GABBR2: variants seen among roughly 807,000 people sequenced by gnomAD.
GABBR2 encodes the protein gamma-aminobutyric acid type B receptor subunit 2.
A neutral mutation model predicts 105.6 loss-of-function variants in GABBR2; 23 were observed. The ratio of observed to expected loss-of-function variants is 0.22; its 90% CI spans 0.16 to 0.31. The LOEUF (loss-of-function observed/expected upper bound fraction) is 0.31. Among genes scored for constraint, GABBR2 ranks in the 10% least tolerant of loss-of-function variants. The pLI is 1.00. For synonymous variants in GABBR2, 478 were observed against 499.7 expected, an observed-to-expected ratio of 0.96 and a Z score of 0.58; for missense variants, 734 against 1,245.5, an observed-to-expected ratio of 0.59 and a Z score of 6.18.
rs541112767 is a variant in GABBR2 at position 98,621,630 on chromosome 9, C to T, written c.322-43558G>A. Reference sequence around the variant, plus strand: ...TCAGGAAAAACATGCTCCTTTACAACGGGAGCCAAATAATTAGCCCAGAAA... The same window carrying T: ...TCAGGAAAAACATGCTCCTTTACAATGGGAGCCAAATAATTAGCCCAGAAA... On this transcript the variant is annotated intron_variant, in intron 1 of 18. Transcript: ENST00000259455. 1.8e-4 allele frequency among the ~76,000 whole-genome samples: 27 copies of T among 152,296 alleles called. No homozygotes were observed. The South Asian group carries it at 4.1e-3, about 23-fold the overall frequency.
chr9:98,338,167 T>C (rs1156613058), intron 13 of GABBR2, among the ~76,000 whole-genome samples: 1 of 152,150 alleles, frequency 6.6e-6, no homozygotes, highest in Non-Finnish European at 1.5e-5. Context: ...AGTATAAAAC[T>C]CTTAGAAGAA....
chr9:98,401,725 T>C (rs1832398004), intron 8 of GABBR2, among the ~76,000 whole-genome samples: 2 of 152,174 alleles, frequency 1.3e-5, no homozygotes, highest in African/African-American at 4.8e-5. Flanking sequence ...AAAATCAGCC[T>C]CAAGAGTCTC....
chr9:98,299,788 G>T (rs1455750983), intron 16 of GABBR2, among the ~76,000 whole-genome samples: 2 of 152,172 alleles, frequency 1.3e-5, no homozygotes, highest in Non-Finnish European at 2.9e-5. Flanking sequence ...TCAGGGGGAG[G>T]TTGTGCAGAT....
At chr9:98,583,854 TGTCCCCCTAAAGGGCTG>T (rs1829034775) in intron 1 of GABBR2, among the ~76,000 whole-genome samples, 1 of 152,226 alleles carries the variant, frequency 6.6e-6, no homozygotes, top group Non-Finnish European at 1.5e-5. Flanking sequence ...CACGTGAAGA[TGTCCCCCTAAAGGGCTG>T]TTGATTACCC....
At chr9:98,610,245 C>A (rs1279271420) in intron 1 of GABBR2, among the ~76,000 whole-genome samples, 1 of 152,182 alleles carries the variant, frequency 6.6e-6, no homozygotes, top group Non-Finnish European at 1.5e-5. Flanking sequence ...GCCTCAGTTT[C>A]CTGCCTATAA....
At chr9:98,309,354 G>A (rs969246358) in intron 14 of GABBR2, among the ~76,000 whole-genome samples, 1 of 152,186 alleles carries the variant, frequency 6.6e-6, no homozygotes, top group South Asian at 2.1e-4. Flanking sequence ...CTATTTTCAC[G>A]GAATGAGTCT....
At chr9:98,328,996 C>T (rs567797370) in intron 13 of GABBR2, among the ~76,000 whole-genome samples, 1 of 152,312 alleles carries the variant, frequency 6.6e-6, no homozygotes, top group African/African-American at 2.4e-5. Context: ...TAAAATGGGG[C>T]TAGACATAGC....
At chr9:98,318,694 C>T (rs565864981) in intron 13 of GABBR2, among the ~76,000 whole-genome samples, 30 of 152,316 alleles carry the variant, frequency 2.0e-4, no homozygotes, top group Non-Finnish European at 3.2e-4. Flanking sequence ...CAGCCCGGCC[C>T]GGCCAGTGCT....
chr9:98,371,527 C>G lies in GABBR2; in HGVS notation c.1707G>C (p.Gly569=). The G allele has an allele frequency of 6.2e-7, 1 of 1,612,888 alleles. No homozygotes were observed. The highest frequency in any genetic ancestry group is 8.5e-7 in the Non-Finnish European group (1 of 1,178,988). Residue 569 remains glycine (G), a synonymous_variant, in exon 12 of 19, where the codon GGG becomes GGC. Transcript: ENST00000259455. ...CTCTCCAGGTCTTTGCAAACATGGC[C>G]CCAAAAGCGGTCGTGTAGCCCACGG... ...ILTVGYTTAF[G]AMFAKTWRVH...
intron 4 of GABBR2, among the ~76,000 whole-genome samples, chr9:98,494,870 G>C (rs1486623729): frequency 6.6e-6 from 1 of 152,228 alleles, no homozygotes; most frequent in Non-Finnish European, 1.5e-5. Context: ...GCACACAAAG[G>C]TTCTTTAAAC....
intron 7 of GABBR2, among the ~76,000 whole-genome samples, chr9:98,436,304 C>CCATAAATATATATATATATATAT (rs1564068040): frequency 9.8e-5 from 6 of 61,402 alleles, no homozygotes; most frequent in African/African-American, 4.1e-4. Flanking sequence ...TATATATATA[C>CCATAAATATATATATATATATAT]CCATAAATAT....
At position 98,303,009 on chromosome 9, in the gene GABBR2, T is replaced by C. The variant is rs1476075695; in HGVS notation, c.2412+232A>G. The C allele has an allele frequency of 3.4e-5, 16 of 477,028 alleles. No individual in the cohort carries two copies. The Admixed American group carries it at 4.9e-4, about 15-fold the overall frequency. The allele number at this position is 477,028 out of a possible 1,614,324, so 29.5% of individuals were successfully genotyped here. On this transcript the variant is annotated intron_variant, in intron 16 of 18. Transcript: ENST00000259455. ...CTGTCTGGGGATGGCTTGAATCAGG[T>C]GTTGCTGGCCTCCAAGAGCCTGGGT... is the stretch of plus-strand genomic sequence containing the variant.
Position 98,293,901 on chromosome 9 carries a change from A to G in GABBR2, c.2544T>C (p.Asp848=). ...GATTTTTTAAAATGGCCTTTCCTCC[A>G]TCTGAATGCAAAACAACAATACCAC... is the stretch of plus-strand genomic sequence containing the variant. ...LNLGNFTEST[D]GGKAILKNHL... Residue 848 remains aspartate (D), a splice_region_variant and synonymous_variant, in exon 18 of 19, where the codon GAT becomes GAC. Coordinates refer to ENST00000259455, the MANE Select transcript of GABBR2 (RefSeq NM_005458.8). 6.4e-7 allele frequency: 1 copy of G among 1,566,938 alleles called. No homozygotes were observed. The highest frequency in any genetic ancestry group is 8.8e-7 in the Non-Finnish European group (1 of 1,137,598).
chr9:98,614,009 T>A (rs1588253153), intron 1 of GABBR2, among the ~76,000 whole-genome samples: 1 of 152,214 alleles, frequency 6.6e-6, no homozygotes, highest in Non-Finnish European at 1.5e-5. Flanking sequence ...TTGTGATGCA[T>A]GATTACAATT....
intron 11 of GABBR2, among the ~76,000 whole-genome samples, chr9:98,374,546 G>C (rs1033739236): frequency 5.3e-5 from 8 of 152,194 alleles, no homozygotes; most frequent in African/African-American, 1.9e-4. Flanking sequence ...CGTGGTTTAT[G>C]CTGAACACTG....
At chr9:98,374,266 A>C (rs1251477217) in intron 11 of GABBR2, among the ~76,000 whole-genome samples, 1 of 152,226 alleles carries the variant, frequency 6.6e-6, no homozygotes. Context: ...TCAATCATAT[A>C]ATTAGTCAAG....
intron 3 of GABBR2, among the ~76,000 whole-genome samples, chr9:98,510,909 T>A (rs993073408): frequency 6.6e-6 from 1 of 152,162 alleles, no homozygotes; most frequent in African/African-American, 2.4e-5. Context: ...GCAGACCTAA[T>A]AGACATCTAC....
chr9:98,294,982 G>A (rs1158188524), intron 17 of GABBR2, among the ~76,000 whole-genome samples: 1 of 152,168 alleles, frequency 6.6e-6, no homozygotes, highest in Non-Finnish European at 1.5e-5. Context: ...GTTCCCACCC[G>A]AGATTTGGAT....
chr9:98,508,626 T>TGGCTCGGAGGGTCCTACGCCC (rs1230810919), intron 3 of GABBR2, among the ~76,000 whole-genome samples: 209 of 152,330 alleles, frequency 1.4e-3, no homozygotes, highest in African/African-American at 4.8e-3. Context: ...ATCCCGCGCA[T>TGGCTCGGAGGGTCCTACGCCC]GGCTCGGAGG....
Sources: allele counts gnomAD v4.1 joint callset (sites outside exome capture counted in the v4.1 genomes callset), GRCh38; gene constraint gnomAD v4.1.1; transcripts MANE v1.5; gene names NCBI Gene and HGNC (gene_info 2026-07-23, HGNC 2026-07-21).